ANO6: variants seen among roughly 807,000 people sequenced by gnomAD.
ANO6 encodes the protein anoctamin 6, also known as anoctamin-6.
Under a neutral mutation model 117.5 loss-of-function variants are expected in ANO6, and 106 were observed. The ratio of observed to expected loss-of-function variants is 0.90; its 90% confidence interval spans 0.77 to 1.06. The LOEUF is 1.06. Among genes scored for constraint, ANO6 ranks in the 50% least tolerant of loss-of-function variants. The pLI is 0.00. For missense variants in ANO6, 955 were observed against 1,121.1 expected (o/e 0.85, Z 2.12); for synonymous variants, 367 against 385.1 (o/e 0.95, Z 0.55).
chr12:45,291,365 A>AG (rs905237148), intron 1 of ANO6, among the ~76,000 whole-genome samples: 1 of 151,376 alleles, frequency 6.6e-6, no homozygotes, highest in Non-Finnish European at 1.5e-5. Flanking sequence ...AAAAAAAAAA[A>AG]AAAACACAAA....
At chr12:45,386,406 C>T (rs1942299584) in intron 10 of ANO6, among the ~76,000 whole-genome samples, 1 of 152,204 alleles carries the variant, frequency 6.6e-6, no homozygotes, top group South Asian at 2.1e-4. Context: ...CACACTTGAC[C>T]TTCTTAAGAC....
intron 2 of ANO6, among the ~76,000 whole-genome samples, chr12:45,326,213 C>T (rs1940456634): frequency 6.6e-6 from 1 of 152,156 alleles, no homozygotes; most frequent in Non-Finnish European, 1.5e-5. Context: ...TGTGAACATT[C>T]CCTTGCATAC....
At chr12:45,363,217 C>T (rs878911529) in intron 8 of ANO6, among the ~76,000 whole-genome samples, 1 of 152,006 alleles carries the variant, frequency 6.6e-6, no homozygotes, top group African/African-American at 2.4e-5. Flanking sequence ...TATGTCAGCA[C>T]TTGAAAAGTT....
intron 1 of ANO6, among the ~76,000 whole-genome samples, chr12:45,243,725 T>G (rs1947781189): frequency 6.6e-6 from 1 of 152,110 alleles, no homozygotes; most frequent in Admixed American, 6.6e-5. Flanking sequence ...AATTTTTGTG[T>G]TTTTTGTAGA....
At chr12:45,232,591 A>C (rs1397710097) in intron 1 of ANO6, among the ~76,000 whole-genome samples, 1 of 152,224 alleles carries the variant, frequency 6.6e-6, no homozygotes, top group Non-Finnish European at 1.5e-5. Flanking sequence ...GAGAAGGCTC[A>C]AGATGTACAT....
chr12:45,432,292 G>T lies in ANO6; in HGVS notation c.*2981G>T. The T allele has an allele frequency of 1.1e-6, 1 of 921,330 alleles. No homozygotes were observed. Among genetic ancestry groups the T allele is most frequent in the Non-Finnish European group, 1.3e-6 (1 of 772,530 alleles). 57.1% of individuals were successfully genotyped at this position (921,330 alleles called of 1,614,324 possible). A position where few individuals can be genotyped will look rare whatever the true frequency, so the allele number is the denominator to read the frequency against. On this transcript the variant is annotated 3_prime_UTR_variant, in exon 20 of 20. Coordinates refer to ENST00000320560, the MANE Select transcript of ANO6 (RefSeq NM_001025356.3). ...TATAATTATTAATGTTAATTTCTGTGCATTTTAATATTCTTTTATAATTAT... is the reference window on the plus strand; with the variant it reads ...TATAATTATTAATGTTAATTTCTGTTCATTTTAATATTCTTTTATAATTAT...
At chr12:45,327,748 C>T (rs941732400) in intron 2 of ANO6, among the ~76,000 whole-genome samples, 1 of 151,978 alleles carries the variant, frequency 6.6e-6, no homozygotes, top group African/African-American at 2.4e-5. Flanking sequence ...TAGCTCATGT[C>T]TAGGAGATGG....
intron 12 of ANO6, among the ~76,000 whole-genome samples, chr12:45,393,309 G>A (rs985328606): frequency 1.5e-4 from 23 of 152,146 alleles, no homozygotes; most frequent in African/African-American, 5.5e-4. Context: ...AAAGTAAAAA[G>A]CAACGAACAA....
rs1246896264 is a variant in ANO6 at position 45,431,010 on chromosome 12, T to C, written c.*1699T>C. 1.0e-6 allele frequency: 1 copy of C among 985,288 alleles called. No individual in the cohort carries two copies. The highest frequency in any genetic ancestry group is 1.2e-6 in the Non-Finnish European group (1 of 829,938). 61.0% of individuals were successfully genotyped at this position (985,288 alleles called of 1,614,324 possible). On this transcript the variant is annotated 3_prime_UTR_variant, in exon 20 of 20. Coordinates refer to ENST00000320560, the MANE Select transcript of ANO6 (RefSeq NM_001025356.3). ...TTTTTACAATAAAGTAGCGTAACTCTAGGTCATGATTGATTTCAAATGCCT... is the reference window on the plus strand; with the variant it reads ...TTTTTACAATAAAGTAGCGTAACTCCAGGTCATGATTGATTTCAAATGCCT...
chr12:45,305,209 T>A (rs1275707739), intron 2 of ANO6, among the ~76,000 whole-genome samples: 1 of 152,056 alleles, frequency 6.6e-6, no homozygotes, highest in African/African-American at 2.4e-5. Context: ...CACTCCAAAG[T>A]AAGATGGGTG....
intron 2 of ANO6, among the ~76,000 whole-genome samples, chr12:45,328,271 T>G (rs556420265): frequency 1.4e-4 from 21 of 152,218 alleles, no homozygotes; most frequent in African/African-American, 4.3e-4. Flanking sequence ...TGTCCAGAGT[T>G]ACTATGTTAC....
chr12:45,340,704 G>A (rs1307867279), intron 3 of ANO6, among the ~76,000 whole-genome samples: 1 of 152,068 alleles, frequency 6.6e-6, no homozygotes, highest in African/African-American at 2.4e-5. Flanking sequence ...CAGCCAATAT[G>A]CAATATTAAT....
At chr12:45,367,626 T>C in intron 8 of ANO6, 62 bp from the exon 9 acceptor site, 1 of 1,294,994 alleles carries the variant, frequency 7.7e-7, no homozygotes, top group Admixed American at 1.7e-5. Flanking sequence ...TGTGAATGGA[T>C]ATTAGATTTT....
intron 10 of ANO6, among the ~76,000 whole-genome samples, chr12:45,382,094 A>G (rs1942183824): frequency 1.3e-5 from 2 of 152,180 alleles, no homozygotes. Context: ...CAGTCTTTAG[A>G]TTGATGACAA....
At chr12:45,434,540 A>C (rs1402281004), downstream of ANO6, among the ~76,000 whole-genome samples, 3 of 152,216 alleles carry the variant, frequency 2.0e-5, no homozygotes, top group Non-Finnish European at 4.4e-5. Flanking sequence ...TCAAGATCAA[A>C]ATCTTACAGC....
At chr12:45,270,340 G>T in intron 1 of ANO6, 1 of 1,290,990 alleles carries the variant, frequency 7.7e-7, no homozygotes, top group Non-Finnish European at 9.8e-7. Context: ...CAAATGGCTT[G>T]TACGAGGTCA....
At chr12:45,400,351 A>G (rs1378109554) in intron 12 of ANO6, among the ~76,000 whole-genome samples, 1 of 152,220 alleles carries the variant, frequency 6.6e-6, no homozygotes, top group Non-Finnish European at 1.5e-5. Context: ...GACTTGATTC[A>G]TCTTTTTAAT....
At chr12:45,428,330 T>C (rs34785109) in intron 19 of ANO6, among the ~76,000 whole-genome samples, 23,550 of 152,170 alleles carry the variant, frequency 0.15, 2,806 homozygotes, top group East Asian at 0.35. Flanking sequence ...GAACAAAAGG[T>C]GGCCTGGCGT....
chr12:45,230,071 CTT>C (rs1461885835), intron 1 of ANO6, among the ~76,000 whole-genome samples: 2 of 152,022 alleles, frequency 1.3e-5, no homozygotes, highest in Non-Finnish European at 1.5e-5. Context: ...AGTCTTACCT[CTT>C]TTGTTTTTTA....
Sources: allele counts gnomAD v4.1 joint callset (sites outside exome capture counted in the v4.1 genomes callset), GRCh38; gene constraint gnomAD v4.1.1; transcripts MANE v1.5; gene names NCBI Gene and HGNC (gene_info 2026-07-23, HGNC 2026-07-21).